Variants in PDE1C observed in about 807,000 individuals in gnomAD.
PDE1C encodes phosphodiesterase 1C.
In PDE1C, 62 loss-of-function variants were observed where a neutral mutation model predicts 93.1. The observed-to-expected ratio is 0.67, with a 90% CI of 0.54 to 0.82. PDE1C has a LOEUF of 0.82. Among genes scored for constraint, PDE1C ranks in the 40% least tolerant of loss-of-function variants. The probability of loss-of-function intolerance (pLI) is 0.00; values close to 1 mark genes in which losing one functional copy is unlikely to be tolerated. For missense variants in PDE1C, 742 were observed against 884.6 expected (o/e 0.84, Z 2.04); for synonymous variants, 325 against 310.1 (o/e 1.05, Z -0.50).
At position 32,379,620 on chromosome 7, in the gene PDE1C, A is replaced by T. The variant is rs61059162; in HGVS notation, c.310+48202T>A. Among the ~76,000 whole-genome samples, 314 of 152,292 alleles carry T rather than the reference A, an allele frequency of 2.1e-3. 1 individual carries two copies. Among genetic ancestry groups the T allele is most frequent in the African/African-American group, 6.9e-3 (288 of 41,548 alleles). ...TGAGGGTTTCTCTCTGGCCCCTTTT[A>T]ATACAAACACAGCTGACAAACCACT... is the stretch of plus-strand genomic sequence containing the variant. On this transcript the variant is annotated intron_variant, in intron 1 of 1. Transcript: ENST00000672256.
intron 2 of PDE1C, among the ~76,000 whole-genome samples, chr7:31,946,717 A>G (rs1197436876): frequency 6.6e-6 from 1 of 152,058 alleles, no homozygotes; most frequent in Non-Finnish European, 1.5e-5. Flanking sequence ...CAACCTCCAC[A>G]CTAGTGTTGG....
At chr7:32,416,569 T>A (rs1343328582) in intron 1 of PDE1C, among the ~76,000 whole-genome samples, 1 of 152,128 alleles carries the variant, frequency 6.6e-6, no homozygotes, top group Non-Finnish European at 1.5e-5. Context: ...ATACATACAA[T>A]TTCATCAGCT....
chr7:32,278,540 A>C (rs1231592737), intron 1 of PDE1C, among the ~76,000 whole-genome samples: 1 of 152,244 alleles, frequency 6.6e-6, no homozygotes, highest in African/African-American at 2.4e-5. Flanking sequence ...ACTATTTACA[A>C]GGATAAGTTT....
At chr7:31,888,870 T>C (rs886121926) in intron 2 of PDE1C, among the ~76,000 whole-genome samples, 4 of 152,148 alleles carry the variant, frequency 2.6e-5, no homozygotes, top group African/African-American at 9.7e-5. Context: ...GCAATGCCAC[T>C]TGATAAACAG....
At chr7:32,146,070 T>C (rs1339051678) in intron 3 of PDE1C, among the ~76,000 whole-genome samples, 1 of 152,150 alleles carries the variant, frequency 6.6e-6, no homozygotes, top group Non-Finnish European at 1.5e-5. Context: ...AAGCTAATAA[T>C]AACAGATGGA....
intron 2 of PDE1C, among the ~76,000 whole-genome samples, chr7:31,947,785 C>T (rs1372314637): frequency 6.6e-6 from 1 of 152,118 alleles, no homozygotes. Context: ...TCATAAATAC[C>T]TCAAGGAGCT....
chr7:32,321,798 T>G (rs1783296628), intron 1 of PDE1C, among the ~76,000 whole-genome samples: 1 of 152,186 alleles, frequency 6.6e-6, no homozygotes, highest in Non-Finnish European at 1.5e-5. Context: ...AATCCACCTA[T>G]CTATCCACAT....
intron 1 of PDE1C, among the ~76,000 whole-genome samples, chr7:32,247,699 ACT>A (rs1423367524): frequency 6.6e-6 from 1 of 152,198 alleles, no homozygotes; most frequent in Non-Finnish European, 1.5e-5. Context: ...GATACTCAAC[ACT>A]GTTTTATAAA....
At chr7:32,015,257 T>C (rs1787730259) in intron 2 of PDE1C, among the ~76,000 whole-genome samples, 1 of 151,326 alleles carries the variant, frequency 6.6e-6, no homozygotes. Context: ...TGGACTAATA[T>C]ATCATGTATT....
At chr7:32,263,352 T>C (rs1810349308) in intron 1 of PDE1C, among the ~76,000 whole-genome samples, 1 of 151,858 alleles carries the variant, frequency 6.6e-6, no homozygotes, top group Non-Finnish European at 1.5e-5. Flanking sequence ...CATGTGCGGG[T>C]GTGTGTGTGT....
intron 9 of PDE1C, among the ~76,000 whole-genome samples, chr7:31,842,312 A>G (rs1792011826): frequency 6.6e-6 from 1 of 152,078 alleles, no homozygotes; most frequent in Admixed American, 6.6e-5. Context: ...ATGTCTTATA[A>G]AACAAATTGC....
intron 2 of PDE1C, among the ~76,000 whole-genome samples, chr7:32,170,752 C>G (rs895364582): frequency 6.6e-6 from 1 of 152,164 alleles, no homozygotes; most frequent in African/African-American, 2.4e-5. Flanking sequence ...TCCTGCCTCC[C>G]TTGTCGCCCC....
At chr7:31,690,617 TC>T in the PDE1C span, among the ~76,000 whole-genome samples, 2 of 152,166 alleles carry the variant, frequency 1.3e-5, no homozygotes, top group Non-Finnish European at 2.9e-5. Flanking sequence ...TTAAACTAGG[TC>T]TATTTGACTC....
At chr7:31,643,856 G>C in the PDE1C span, 1 of 1,613,906 alleles carries the variant, frequency 6.2e-7, no homozygotes, top group Non-Finnish European at 8.5e-7. Flanking sequence ...CCCTCAGTCT[G>C]TAGGCACTGC....
chr7:31,948,424 A>T (rs1806914416), intron 2 of PDE1C, among the ~76,000 whole-genome samples: 1 of 152,196 alleles, frequency 6.6e-6, no homozygotes, highest in African/African-American at 2.4e-5. Flanking sequence ...TGAAGAAAGT[A>T]TTATCTGAAG....
At chr7:32,107,594 C>T (rs997765594) in intron 3 of PDE1C, among the ~76,000 whole-genome samples, 26 of 152,166 alleles carry the variant, frequency 1.7e-4, no homozygotes, top group African/African-American at 6.3e-4. Flanking sequence ...TAGGCTTTCT[C>T]AGATGAACAA....
At chr7:32,012,793 CCA>C (rs1437962529) in intron 2 of PDE1C, among the ~76,000 whole-genome samples, 1 of 152,136 alleles carries the variant, frequency 6.6e-6, no homozygotes, top group Non-Finnish European at 1.5e-5. Context: ...AATATGCATT[CCA>C]CAGTCAAATG....
chr7:32,010,299 T>C (rs889109755), intron 2 of PDE1C, among the ~76,000 whole-genome samples: 1 of 152,122 alleles, frequency 6.6e-6, no homozygotes. Context: ...GATAGACAAA[T>C]AGGTCAATGG....
At chr7:31,778,031 C>G (rs1406522074) in intron 16 of PDE1C, among the ~76,000 whole-genome samples, 1 of 152,124 alleles carries the variant, frequency 6.6e-6, no homozygotes, top group Non-Finnish European at 1.5e-5. Flanking sequence ...AGCAGAATCT[C>G]CAGGGAATGG....
Sources: allele counts gnomAD v4.1 joint callset (sites outside exome capture counted in the v4.1 genomes callset), GRCh38; gene constraint gnomAD v4.1.1; transcripts MANE v1.5; gene names NCBI Gene and HGNC (gene_info 2026-07-23, HGNC 2026-07-21).